Variants in LSAMP observed in about 807,000 individuals in gnomAD.
LSAMP encodes limbic system associated membrane protein, also known as limbic system-associated membrane protein.
A neutral mutation model predicts 38.6 loss-of-function variants in LSAMP; 7 were observed. The observed-to-expected ratio is 0.18, with a 90% CI of 0.10 to 0.34. LSAMP has a LOEUF of 0.34. LSAMP is among the 10% of genes least tolerant of loss of function. The probability of loss-of-function intolerance (pLI) is 1.00; values close to 1 mark genes in which losing one functional copy is unlikely to be tolerated. For missense variants in LSAMP, 313 were observed against 420.0 expected (o/e 0.75, Z 2.23); for synonymous variants, 154 against 166.8 (o/e 0.92, Z 0.59).
chr3:116,149,438 T>C (rs1232238621), intron 1 of LSAMP, among the ~76,000 whole-genome samples: 2 of 151,980 alleles, frequency 1.3e-5, no homozygotes, highest in Non-Finnish European at 2.9e-5. Context: ...TTTGACCATG[T>C]TGAAAATTTG....
chr3:116,355,018 G>T (rs2048202997), intron 1 of LSAMP, among the ~76,000 whole-genome samples: 1 of 151,910 alleles, frequency 6.6e-6, no homozygotes, highest in Non-Finnish European at 1.5e-5. Context: ...TACATAACTG[G>T]CTTCAACAGT....
At chr3:116,282,762 AC>A (rs758055006) in intron 1 of LSAMP, among the ~76,000 whole-genome samples, 2 of 146,394 alleles carry the variant, frequency 1.4e-5, no homozygotes, top group Non-Finnish European at 3.0e-5. Context: ...TACTCCCCCC[AC>A]CCCCCAAAAA....
chr3:115,982,002 T>C (rs1939374019), intron 3 of LSAMP, among the ~76,000 whole-genome samples: 1 of 152,248 alleles, frequency 6.6e-6, no homozygotes, highest in South Asian at 2.1e-4. Flanking sequence ...GCACCCATCT[T>C]AATCTCTTGT....
chr3:115,867,771 G>C lies in LSAMP; in HGVS notation c.515-15154C>G, dbSNP rs563154284. 2.0e-5 allele frequency among the ~76,000 whole-genome samples: 3 copies of C among 152,222 alleles called. No homozygotes were observed. In the South Asian group the frequency reaches 6.2e-4, roughly 32 times the overall value. On this transcript the variant is annotated intron_variant, in intron 3 of 6. Coordinates refer to ENST00000490035, the MANE Select transcript of LSAMP (RefSeq NM_002338.5). ...CAGGGCAAACAGAGAGATTTGTTTT[G>C]GTTGGTTGAGTCTAAAGTCTATTTG...
intron 1 of LSAMP, among the ~76,000 whole-genome samples, chr3:116,330,782 A>T (rs556945715): frequency 6.6e-5 from 10 of 152,170 alleles, no homozygotes; most frequent in African/African-American, 2.4e-4. Context: ...AAACAAAAAC[A>T]TCAAACTAAG....
At chr3:116,404,415 G>A (rs1024862800) in intron 1 of LSAMP, among the ~76,000 whole-genome samples, 4 of 152,138 alleles carry the variant, frequency 2.6e-5, no homozygotes, top group Admixed American at 6.6e-5. Flanking sequence ...GATAGTTATA[G>A]TAAACTATAA....
At chr3:115,953,486 A>C (rs538474464) in intron 3 of LSAMP, among the ~76,000 whole-genome samples, 1 of 151,710 alleles carries the variant, frequency 6.6e-6, no homozygotes, top group South Asian at 2.1e-4. Flanking sequence ...TAGATCAGCA[A>C]TTTGGGGTTT....
chr3:116,140,474 C>T (rs1185790261), intron 1 of LSAMP, among the ~76,000 whole-genome samples: 2 of 151,918 alleles, frequency 1.3e-5, no homozygotes, highest in Non-Finnish European at 2.9e-5. Context: ...ACCCAAGTGA[C>T]GGTGGTGGAA....
At chr3:116,267,735 T>C (rs983194532) in intron 1 of LSAMP, among the ~76,000 whole-genome samples, 1 of 152,064 alleles carries the variant, frequency 6.6e-6, no homozygotes, top group Non-Finnish European at 1.5e-5. Context: ...AAAGGTACTC[T>C]CCGCCTGCAG....
At chr3:116,162,768 T>C (rs889892312) in intron 1 of LSAMP, among the ~76,000 whole-genome samples, 109 of 147,438 alleles carry the variant, frequency 7.4e-4, no homozygotes, top group Non-Finnish European at 1.1e-3. Flanking sequence ...CACACACTTA[T>C]ACACACACAC....
chr3:116,398,549 G>A (rs750212889), intron 1 of LSAMP, among the ~76,000 whole-genome samples: 2 of 152,120 alleles, frequency 1.3e-5, no homozygotes, highest in African/African-American at 2.4e-5. Context: ...AGAAAGAGAC[G>A]GTCCTTGGAC....
At chr3:115,941,345 C>G (rs1289980551) in intron 3 of LSAMP, among the ~76,000 whole-genome samples, 1 of 151,930 alleles carries the variant, frequency 6.6e-6, no homozygotes, top group East Asian at 1.9e-4. Flanking sequence ...CTTGGTATAG[C>G]CATTATGAAA....
chr3:115,935,349 T>G (rs1290452144), intron 3 of LSAMP, among the ~76,000 whole-genome samples: 1 of 152,044 alleles, frequency 6.6e-6, no homozygotes, highest in African/African-American at 2.4e-5. Context: ...GAAAGAGGTG[T>G]GGCCGGGTGG....
intron 1 of LSAMP, among the ~76,000 whole-genome samples, chr3:116,403,629 G>T (rs1045749554): frequency 6.6e-6 from 1 of 152,092 alleles, no homozygotes; most frequent in Non-Finnish European, 1.5e-5. Context: ...TTTATGGGTT[G>T]AAATACATAT....
chr3:116,156,415 C>T (rs1709748657), intron 1 of LSAMP, among the ~76,000 whole-genome samples: 1 of 152,028 alleles, frequency 6.6e-6, no homozygotes, highest in Non-Finnish European at 1.5e-5. Flanking sequence ...ATATAACCAA[C>T]AATTAAATTA....
intron 1 of LSAMP, among the ~76,000 whole-genome samples, chr3:116,267,481 C>T (rs1047973891): frequency 3.3e-5 from 5 of 151,900 alleles, no homozygotes; most frequent in Non-Finnish European, 7.4e-5. Context: ...TCCCTGGAGT[C>T]TTAGTATCAA....
chr3:116,163,623 C>G (rs146767844), intron 1 of LSAMP, among the ~76,000 whole-genome samples: 1 of 152,070 alleles, frequency 6.6e-6, no homozygotes, highest in East Asian at 1.9e-4. Context: ...AATGGTATTT[C>G]TAGTTCTAGA....
At chr3:116,264,867 A>G (rs893116832) in intron 1 of LSAMP, among the ~76,000 whole-genome samples, 1 of 151,918 alleles carries the variant, frequency 6.6e-6, no homozygotes, top group African/African-American at 2.4e-5. Context: ...TTGGCCTCCC[A>G]AGTGCTGGGG....
At chr3:116,016,883 A>G (rs937515515) in intron 3 of LSAMP, among the ~76,000 whole-genome samples, 3 of 152,176 alleles carry the variant, frequency 2.0e-5, no homozygotes, top group Admixed American at 2.0e-4. Flanking sequence ...GGAGCAGACT[A>G]AATTTGATAC....
Sources: gnomAD v4.1 joint callset for allele counts (sites outside exome capture counted in the v4.1 genomes callset) on GRCh38, gnomAD v4.1.1 for gene constraint, MANE v1.5 for transcripts, NCBI Gene and HGNC (gene_info 2026-07-23, HGNC 2026-07-21) for gene names.